Variants in PTMA observed in about 807,000 individuals in gnomAD.
PTMA encodes the protein gene sequence 28.
In PTMA, 4 loss-of-function variants were observed where a neutral mutation model predicts 16.9. That is an observed-to-expected ratio of 0.24 (90% confidence interval 0.12 to 0.54). The LOEUF (loss-of-function observed/expected upper bound fraction) is 0.54. Ranked by LOEUF, PTMA falls within the 20% of genes least tolerant of loss-of-function variation. PTMA has a pLI of 0.95. For missense variants in PTMA, 120 were observed against 137.7 expected (o/e 0.87, Z 0.64); for synonymous variants, 58 against 47.9 (o/e 1.21, Z -0.87).
chr2:231,712,129 A>G (rs1204598735), intron 3 of PTMA, 146 bp downstream of exon 3: 2 of 1,416,300 alleles, frequency 1.4e-6, no homozygotes, highest in East Asian at 5.0e-5. Flanking sequence ...ACCCACCTGT[A>G]GAGTCAGGGA....
In PTMA at chr2:231,710,326, G is replaced by A. The variant is rs1274085733; in HGVS notation, c.46-1022G>A. 8.1e-6 allele frequency: 10 copies of A among 1,232,394 alleles called. No homozygotes were observed. The East Asian group carries it at 9.5e-5, about 12-fold the overall frequency. 76.3% of individuals were successfully genotyped at this position (1,232,394 alleles called of 1,614,324 possible). A position where few individuals can be genotyped will look rare whatever the true frequency, so the allele number is the denominator to read the frequency against. The stretch of plus-strand genomic sequence containing the variant: ...GGCAAGGGACGCACTCGGCGGCCCC[G>A]GGCCACGTGCTCCCTGCGCGCGGTG... On this transcript the variant is annotated intron_variant, in intron 1 of 4. Transcript: ENST00000409115.
chr2:231,709,165 G>C (rs945252043), intron 1 of PTMA, among the ~76,000 whole-genome samples: 2 of 152,176 alleles, frequency 1.3e-5, no homozygotes, highest in Non-Finnish European at 2.9e-5. Context: ...GTGTTGGGGC[G>C]CGGGCCGGCC....
At chr2:231,712,768 G>A (rs1162911332) in intron 4 of PTMA, 36 bp from the exon 5 acceptor site, 1 of 1,577,736 alleles carries the variant, frequency 6.3e-7, no homozygotes, top group South Asian at 1.2e-5. Flanking sequence ...GGGCTCCTGG[G>A]GTTGGAGGGG....
chr2:231,712,543 G>A (rs768589600), intron 4 of PTMA, 27 bp downstream of exon 4: 3 of 1,611,690 alleles, frequency 1.9e-6, no homozygotes, highest in South Asian at 1.1e-5. Context: ...GAAGAAGGGG[G>A]GTTTGGCATC....
At position 231,713,407 on chromosome 2, in the gene PTMA, A is replaced by G. The variant is rs762510360; in HGVS notation, c.*556A>G. On this transcript the variant is annotated 3_prime_UTR_variant, in exon 5 of 5. Coordinates refer to ENST00000409115, the MANE Select transcript of PTMA (RefSeq NM_002823.5). ...TATGAGATGGTTAAAAAGGCCAAAG[A>G]TAAAAGGTTTCTTTTTTTTTCCTTT... 2.0e-6 allele frequency: 1 copy of G among 510,912 alleles called. No individual in the cohort carries two copies. The allele number at this position is 510,912 out of a possible 1,614,324, so 31.6% of individuals were successfully genotyped here.
At position 231,713,145 on chromosome 2, in the gene PTMA, G is replaced by A. The variant is rs537760044; in HGVS notation, c.*294G>A. The A allele has an allele frequency of 2.8e-5, 12 of 435,478 alleles. No homozygotes were observed. The East Asian group carries it at 6.5e-4, about 23-fold the overall frequency. 27.0% of individuals were successfully genotyped at this position (435,478 alleles called of 1,614,324 possible). A position where few individuals can be genotyped will look rare whatever the true frequency, so the allele number is the denominator to read the frequency against. ...TTTTTTATTTACATTTTATATTTTT[G>A]TACATATTGTTAGGGTCAGCCATTT... On this transcript the variant is annotated 3_prime_UTR_variant, in exon 5 of 5. Coordinates refer to ENST00000409115, the MANE Select transcript of PTMA (RefSeq NM_002823.5).
Position 231,708,580 on chromosome 2 carries a change from G to T in PTMA, c.-127G>T, listed in dbSNP as rs1035659159. On this transcript the variant is annotated 5_prime_UTR_variant, in exon 1 of 5. Transcript: ENST00000409115. ...TGCATTGTTCCTCATCCGCCTCCTT[G>T]CTCGCCGCAGCCGCCTCCGCCGCGC... 36 of 1,144,292 alleles carry T rather than the reference G, an allele frequency of 3.1e-5. No individual in the cohort carries two copies. The highest frequency in any genetic ancestry group is 2.1e-4 in the South Asian group (17 of 80,452). 70.9% of individuals were successfully genotyped at this position (1,144,292 alleles called of 1,614,324 possible).
At chr2:231,710,913 T>TC (rs2048510299) in intron 1 of PTMA, among the ~76,000 whole-genome samples, 3 of 152,114 alleles carry the variant, frequency 2.0e-5, no homozygotes, top group Admixed American at 1.3e-4. Flanking sequence ...GGCCCCTCTC[T>TC]CTTTGCCTTA....
At chr2:231,711,540 C>CTACGATACTGCCACTGTGCAA in intron 2 of PTMA, 121 bp downstream of exon 2, 2 of 942,980 alleles carry the variant, frequency 2.1e-6, no homozygotes, top group South Asian at 1.5e-5. Flanking sequence ...TGCACAGTGG[C>CTACGATACTGCCACTGTGCAA]AGTATCGTAG....
At chr2:231,711,547 G>A (rs1217506539) in intron 2 of PTMA, 128 bp downstream of exon 2, 2 of 888,192 alleles carry the variant, frequency 2.3e-6, no homozygotes, top group Non-Finnish European at 3.5e-6. Context: ...TGGCAGTATC[G>A]TAGCCAATGA....
chr2:231,709,051 G>C (rs2048479254), intron 1 of PTMA, among the ~76,000 whole-genome samples: 1 of 152,188 alleles, frequency 6.6e-6, no homozygotes. Context: ...GGTATGAGTG[G>C]CGGCGGGAGG....
rs1182920878 is a variant in PTMA at position 231,708,694 on chromosome 2, G to A, written c.-13G>A. On this transcript the variant is annotated 5_prime_UTR_variant, in exon 1 of 5. Coordinates refer to ENST00000409115, the MANE Select transcript of PTMA (RefSeq NM_002823.5). The stretch of plus-strand genomic sequence containing the variant: ...TTTTAATCCCCTGCATCGGATCACC[G>A]GCGTGCCCCACCATGTCAGACGCAG... The A allele has an allele frequency of 3.7e-6, 6 of 1,602,174 alleles. No individual in the cohort carries two copies. Among genetic ancestry groups the A allele is most frequent in the Non-Finnish European group, 4.2e-6 (5 of 1,179,600 alleles).
chr2:231,710,232 C>T (rs1425655932), intron 1 of PTMA: 9 of 1,338,906 alleles, frequency 6.7e-6, no homozygotes, highest in Non-Finnish European at 8.7e-6. Flanking sequence ...GAGTCGAGAG[C>T]CCGGCCGACC....
At position 231,713,207 on chromosome 2, in the gene PTMA, G is replaced by C. The variant is rs1005408919; in HGVS notation, c.*356G>C. 2.1e-6 allele frequency: 1 copy of C among 470,736 alleles called. No individual in the cohort carries two copies. The highest frequency in any genetic ancestry group is 4.2e-6 in the Non-Finnish European group (1 of 235,810). The allele number at this position is 470,736 out of a possible 1,614,324, so 29.2% of individuals were successfully genotyped here. A position where few individuals can be genotyped will look rare whatever the true frequency, so the allele number is the denominator to read the frequency against. ...GGATGACCAAACCAGCCTTCGGAGC[G>C]TTCTCTGTCCTACTTCTGACTTTAC... On this transcript the variant is annotated 3_prime_UTR_variant, in exon 5 of 5. Transcript: ENST00000409115.
At chr2:231,708,895 C>A (rs1167760251) in intron 1 of PTMA, 144 bp downstream of exon 1, 2 of 1,032,750 alleles carry the variant, frequency 1.9e-6, no homozygotes, top group East Asian at 5.3e-5. Context: ...TGCCCTCAGG[C>A]AGCCCACTCT....
intron 3 of PTMA, 81 bp from the exon 4 acceptor site, chr2:231,712,362 T>G: frequency 7.0e-7 from 1 of 1,438,528 alleles, no homozygotes; most frequent in Non-Finnish European, 9.7e-7. Flanking sequence ...GACCTTGCAG[T>G]CCACTACATG....
At chr2:231,711,539 G>A in intron 2 of PTMA, 120 bp downstream of exon 2, 1 of 946,442 alleles carries the variant, frequency 1.1e-6, no homozygotes, top group Non-Finnish European at 1.6e-6. Context: ...TTGCACAGTG[G>A]CAGTATCGTA....
At chr2:231,709,090 C>T (rs2048480724) in intron 1 of PTMA, among the ~76,000 whole-genome samples, 1 of 152,154 alleles carries the variant, frequency 6.6e-6, no homozygotes, top group Non-Finnish European at 1.5e-5. Context: ...GTCGTCGGCC[C>T]GCCGGGCGCA....
rs769950396 is a variant in PTMA, at chr2:231,712,826, A to G, written c.308A>G (p.Lys103Arg). 6.3e-7 allele frequency: 1 copy of G among 1,590,632 alleles called. No homozygotes were observed. The highest frequency in any genetic ancestry group is 1.3e-5 in the African/African-American group (1 of 74,502). The change falls in exon 5 of 5, where the codon AAG becomes AGG. Residue 103 changes from lysine (K) to arginine (R), a missense_variant. By Grantham distance (26) the Lys-to-Arg change is conservative. Coordinates refer to ENST00000409115, the MANE Select transcript of PTMA (RefSeq NM_002823.5). ...DDEDDDVDTK[K>R]QKTDEDD ...TAGGATGACGATGTCGATACCAAGAAGCAGAAGACCGACGAGGATGACTAG... is the reference window on the plus strand; with the variant it reads ...TAGGATGACGATGTCGATACCAAGAGGCAGAAGACCGACGAGGATGACTAG...
Sources: allele counts gnomAD v4.1 joint callset (sites outside exome capture counted in the v4.1 genomes callset), GRCh38; gene constraint gnomAD v4.1.1; transcripts MANE v1.5; gene names NCBI Gene and HGNC (gene_info 2026-07-23, HGNC 2026-07-21).